Variants in APBB3 observed in about 807,000 individuals in gnomAD.
The protein encoded by APBB3 is amyloid beta precursor protein binding family B member 3.
In APBB3, 50 loss-of-function variants were observed where a neutral mutation model predicts 61.5. The ratio of observed to expected loss-of-function variants is 0.81; its 90% CI spans 0.65 to 1.03. The LOEUF (loss-of-function observed/expected upper bound fraction) is 1.03, where lower values mean the gene tolerates loss of function less well. Among genes scored for constraint, APBB3 ranks in the 50% least tolerant of loss-of-function variants. APBB3 has a pLI of 0.00. For missense variants in APBB3, 550 were observed against 637.4 expected, an observed-to-expected ratio of 0.86 and a Z score of 1.48; for synonymous variants, 235 against 233.0, an observed-to-expected ratio of 1.01 and a Z score of -0.08.
intron 7 of APBB3, 37 bp from the exon 8 acceptor site, chr5:140,561,738 G>A: frequency 6.2e-7 from 1 of 1,614,110 alleles, no homozygotes; most frequent in South Asian, 1.1e-5. Context: ...GTAGAAGCTG[G>A]TTAGAGGCAG....
In APBB3 at chr5:140,558,519, A is replaced by G. The variant is rs1754796472; in HGVS notation, c.*66T>C. 4.7e-6 allele frequency: 7 copies of G among 1,486,204 alleles called. No homozygotes were observed. In the Admixed American group the frequency reaches 1.2e-4, roughly 25 times the overall value. The allele number at this position is 1,486,204 out of a possible 1,614,324, so 92.1% of individuals were successfully genotyped here. A position where few individuals can be genotyped will look rare whatever the true frequency, so the allele number is the denominator to read the frequency against. ...AAGGAGTGACAGGCTATAGGCCTTG[A>G]GGAATAAAACGGTACAGAGTTAGGC... On this transcript the variant is annotated 3_prime_UTR_variant, in exon 13 of 13. Coordinates refer to ENST00000357560, the MANE Select transcript of APBB3 (RefSeq NM_133173.3).
In APBB3 at chr5:140,561,365, C is replaced by G; in HGVS notation, c.832G>C (p.Val278Leu). The change falls in exon 9 of 13, where the codon GTG becomes CTG. Residue 278 changes from valine to leucine, a missense_variant and splice_region_variant. By Grantham distance (32) the Val-to-Leu change is conservative. This residue lies in a region of APBB3 where 405 missense variants were observed against 483.4 expected (regional missense o/e 0.84). Transcript: ENST00000357560. ...PISPEDLPRQ[V>L]ELLDAVSQAA... ...CAATGCAGGTCTCCCCTCCCCATAC[C>G]TTGCCGTGGCAGGTCTTCAGGAGAG... 2 of 1,614,216 alleles carry G rather than the reference C, an allele frequency of 1.2e-6. No individual in the cohort carries two copies. The highest frequency in any genetic ancestry group is 1.7e-6 in the Non-Finnish European group (2 of 1,180,034).
At chr5:140,562,259 G>C (rs766301321) in intron 5 of APBB3, 32 bp from the exon 6 acceptor site, 1 of 1,613,306 alleles carries the variant, frequency 6.2e-7, no homozygotes, top group Non-Finnish European at 8.5e-7. Flanking sequence ...CCAGAGCTCA[G>C]ATAAAGGTCA....
In APBB3 at chr5:140,560,292, C is replaced by T. The variant is rs1045676586; in HGVS notation, c.1224+21G>A. 1.9e-6 allele frequency: 3 copies of T among 1,606,766 alleles called. No homozygotes were observed. The highest frequency in any genetic ancestry group is 2.2e-5 in the South Asian group (2 of 90,760). ...GCAGCTGCAGGGCAATCCCACCAAC[C>T]CATTCCCACCCATGACTCACCATAC... On this transcript the variant is annotated intron_variant, in intron 12 of 12. Transcript: ENST00000357560. The surrounding 1 kb of genome is among the most constrained non-coding windows in gnomAD (Gnocchi z 5.1).
In APBB3 at chr5:140,562,735, C is replaced by T. The variant is rs757997881; in HGVS notation, c.291-12G>A. ...AGGACAGAGAGTTACTGAAACAGAG[C>T]AGAGCTGTTAAGAGGACCACATTTC... On this transcript the variant is annotated splice_polypyrimidine_tract_variant and intron_variant, in intron 3 of 12. Transcript: ENST00000357560. 1 of 1,614,052 alleles carries T rather than the reference C, an allele frequency of 6.2e-7. No homozygotes were observed. The highest frequency in any genetic ancestry group is 1.1e-5 in the South Asian group (1 of 91,084).
At position 140,564,085 on chromosome 5, in the gene APBB3, G is replaced by C; in HGVS notation, c.49+112C>G. The C allele has an allele frequency of 6.6e-7, 1 of 1,510,594 alleles. No individual in the cohort carries two copies. Among genetic ancestry groups the C allele is most frequent in the Non-Finnish European group, 9.1e-7 (1 of 1,103,614 alleles). 93.6% of individuals were successfully genotyped at this position (1,510,594 alleles called of 1,614,324 possible). On this transcript the variant is annotated intron_variant, in intron 1 of 12. Coordinates refer to ENST00000357560, the MANE Select transcript of APBB3 (RefSeq NM_133173.3). The surrounding 1 kb of genome is among the most constrained non-coding windows in gnomAD (Gnocchi z 5.0). Reference sequence around the variant, plus strand: ...TAAAGACCGGGTTCATTCGCCCCCTGGTCCCTACACAGAGAGGTATCCCCC... The same window carrying C: ...TAAAGACCGGGTTCATTCGCCCCCTCGTCCCTACACAGAGAGGTATCCCCC...
At chr5:140,561,497 A>G (rs1240932408) in intron 8 of APBB3, 48 bp from the exon 9 acceptor site, 3 of 1,613,628 alleles carry the variant, frequency 1.9e-6, no homozygotes, top group Non-Finnish European at 2.5e-6. Context: ...GAGGGGAATT[A>G]GGGTAAAAGG....
In APBB3 at chr5:140,560,166, T is replaced by G. The variant is rs951375472; in HGVS notation, c.1224+147A>C. 13 of 858,486 alleles carry G rather than the reference T, an allele frequency of 1.5e-5. No homozygotes were observed. The highest frequency in any genetic ancestry group is 2.3e-5 in the Non-Finnish European group (13 of 567,176). 53.2% of individuals were successfully genotyped at this position (858,486 alleles called of 1,614,324 possible). On this transcript the variant is annotated intron_variant, in intron 12 of 12. Transcript: ENST00000357560. This position sits in a 1 kb window ranked among gnomAD's most constrained non-coding sequence, Gnocchi z 5.1. ...ATATTGGCAACTAATTAAAACTTACTAAAAACAACATGAGGGCCAAAACAT... is the reference window on the plus strand; with the variant it reads ...ATATTGGCAACTAATTAAAACTTACGAAAAACAACATGAGGGCCAAAACAT...
At position 140,563,663 on chromosome 5, in the gene APBB3, T is replaced by C. The variant is rs1366410542; in HGVS notation, c.221A>G (p.Glu74Gly). ...GDAEDPGTGT[E>G]GIWGLRPPKG... ...GGGGGGCCGCAGTCCCCAGATCCCC[T>C]CCGTTCCCTGTAGAGTGGGAGTTAG... Residue 74 changes from glutamate to glycine, a missense_variant, in exon 3 of 13, where the codon GAG becomes GGG. Glu to Gly is a moderately conservative substitution (Grantham distance 98). Around this residue, in one of 3 missense-constraint regions of APBB3, gnomAD observed 405 missense variants for 483.4 expected, o/e 0.84. Transcript: ENST00000357560. The C allele has an allele frequency of 1.2e-6, 2 of 1,614,134 alleles. No homozygotes were observed. Among genetic ancestry groups the C allele is most frequent in the Non-Finnish European group, 1.7e-6 (2 of 1,180,012 alleles).
chr5:140,558,696 G>A lies in APBB3; in HGVS notation c.1350C>T (p.Leu450=), dbSNP rs1754811026. The A allele has an allele frequency of 1.9e-6, 3 of 1,611,832 alleles. No individual in the cohort carries two copies. In the East Asian group the frequency reaches 6.7e-5, roughly 36 times the overall value. ...SMDSPGGPLP[L]PLLKGGVGGA... is the part of the protein sequence containing the mutation. ...CGCCAACCCCTCCTTTGAGCAGGGG[G>A]AGGGGCAGGGGACCTCCTGGGGAAT... is the stretch of plus-strand genomic sequence containing the variant. Residue 450 remains leucine, a synonymous_variant, in exon 13 of 13, where the codon CTC becomes CTT. Coordinates refer to ENST00000357560, the MANE Select transcript of APBB3 (RefSeq NM_133173.3).
chr5:140,561,365 C>T lies in APBB3; in HGVS notation c.832G>A (p.Val278Met). ...CAATGCAGGTCTCCCCTCCCCATAC[C>T]TTGCCGTGGCAGGTCTTCAGGAGAG... is the stretch of plus-strand genomic sequence containing the variant. The part of the protein sequence containing the change: ...PISPEDLPRQ[V>M]ELLDAVSQAA... Residue 278 changes from valine to methionine, a missense_variant and splice_region_variant, in exon 9 of 13, where the codon GTG becomes ATG. By Grantham distance (21) the Val-to-Met change is conservative. This residue lies in a region of APBB3 where 405 missense variants were observed against 483.4 expected (regional missense o/e 0.84). Transcript: ENST00000357560. The T allele has an allele frequency of 6.2e-7, 1 of 1,614,216 alleles. No homozygotes were observed. Among genetic ancestry groups the T allele is most frequent in the South Asian group, 1.1e-5 (1 of 91,084 alleles).
At position 140,558,782 on chromosome 5, in the gene APBB3, C is replaced by T. The variant is rs746617921; in HGVS notation, c.1264G>A (p.Gly422Ser). 1.2e-6 allele frequency: 2 copies of T among 1,610,358 alleles called. No individual in the cohort carries two copies. The highest frequency in any genetic ancestry group is 1.3e-5 in the African/African-American group (1 of 74,672). ...CGGGCCTGGGCACCCCAGGCCTTGC[C>T]TCGAGCTGCAGAGGCCACAAGACAC... is the stretch of plus-strand genomic sequence containing the variant. ...QKCLVASAAR[G>S]KAWGAQARAR... The change falls in exon 13 of 13, where the codon GGC becomes AGC. Residue 422 changes from glycine to serine, a missense_variant. Physicochemically the swap from Gly to Ser is moderately conservative, Grantham distance 56 (BLOSUM62 0). Coordinates refer to ENST00000357560, the MANE Select transcript of APBB3 (RefSeq NM_133173.3).
chr5:140,558,585 T>G lies in APBB3; in HGVS notation c.1461A>C (p.Ter487TyrextTer9). The change falls in exon 13 of 13, where the codon TAA becomes TAC. Residue 487 changes from the stop codon to tyrosine, a stop_lost. Coordinates refer to ENST00000357560, the MANE Select transcript of APBB3 (RefSeq NM_133173.3). ...RLKPSLLHMP[*>Y] Reference sequence around the variant, plus strand: ...ACTTCCCCAGCCTTCCCAGATAAGTTTAGGGCATATGGAGCAGAGAGGGTT... The same window carrying G: ...ACTTCCCCAGCCTTCCCAGATAAGTGTAGGGCATATGGAGCAGAGAGGGTT... 1 of 1,613,856 alleles carries G rather than the reference T, an allele frequency of 6.2e-7. No individual in the cohort carries two copies. Among genetic ancestry groups the G allele is most frequent in the South Asian group, 1.1e-5 (1 of 91,074 alleles).
rs1192293317 is a variant in APBB3 at position 140,563,793 on chromosome 5, G to A, written c.172C>T (p.Arg58Cys). The change falls in exon 2 of 13, where the codon CGC (arginine) becomes TGC (cysteine). Residue 58 changes from arginine (R) to cysteine (C), a missense_variant. This residue lies in a region of APBB3 where 405 missense variants were observed against 483.4 expected (regional missense o/e 0.84). Transcript: ENST00000357560. Reference protein sequence around the residue: ...HVPSGSTQWQRPTWELGDAED... With the variant: ...HVPSGSTQWQCPTWELGDAED... ...GCATCTCCTAGTTCCCAGGTTGGGC[G>A]CTGCCACTGGGTGCTACCGCTGGGT... 6 of 1,614,154 alleles carry A rather than the reference G, an allele frequency of 3.7e-6. No homozygotes were observed. The highest frequency in any genetic ancestry group is 5.1e-6 in the Non-Finnish European group (6 of 1,180,032).
In APBB3 at chr5:140,564,521, G is replaced by A; in HGVS notation, c.-276C>T. 1 of 563,582 alleles carries A rather than the reference G, an allele frequency of 1.8e-6. No individual in the cohort carries two copies. Among genetic ancestry groups the A allele is most frequent in the Admixed American group, 3.2e-5 (1 of 31,524 alleles). 34.9% of individuals were successfully genotyped at this position (563,582 alleles called of 1,614,324 possible). ...GTGTGTGGGTCCGGGGGAGGCCCAC[G>A]AACGCCAGCGAAACCGCTGACACCA... On this transcript the variant is annotated 5_prime_UTR_variant, in exon 1 of 13. Transcript: ENST00000357560. The surrounding 1 kb of genome is among the most constrained non-coding windows in gnomAD (Gnocchi z 5.0).
chr5:140,563,792 C>T lies in APBB3; in HGVS notation c.173G>A (p.Arg58His), dbSNP rs765936703. Residue 58 changes from arginine to histidine, a missense_variant, in exon 2 of 13, where the codon CGC becomes CAC. By Grantham distance (29) the Arg-to-His change is conservative (BLOSUM62 0). This residue lies in a region of APBB3 where 405 missense variants were observed against 483.4 expected (regional missense o/e 0.84). Coordinates refer to ENST00000357560, the MANE Select transcript of APBB3 (RefSeq NM_133173.3). ...HVPSGSTQWQ[R>H]PTWELGDAED... ...TGCATCTCCTAGTTCCCAGGTTGGG[C>T]GCTGCCACTGGGTGCTACCGCTGGG... The T allele has an allele frequency of 1.2e-6, 2 of 1,614,028 alleles. No homozygotes were observed. The highest frequency in any genetic ancestry group is 1.3e-5 in the African/African-American group (1 of 74,902).
intron 2 of APBB3, 25 bp from the exon 3 acceptor site, chr5:140,563,695 T>G (rs1755075550): frequency 2.5e-6 from 4 of 1,613,948 alleles, no homozygotes; most frequent in Non-Finnish European, 3.4e-6. Context: ...TTAGTCAGTT[T>G]AACAGCAGAC....
chr5:140,559,725 T>C (rs532610846), intron 12 of APBB3, among the ~76,000 whole-genome samples: 3 of 152,354 alleles, frequency 2.0e-5, no homozygotes, highest in African/African-American at 4.8e-5. Context: ...CTCTTACAGG[T>C]AGCCTTCCTG....
At chr5:140,562,291 T>C (rs900743433) in intron 5 of APBB3, 62 bp downstream of exon 5, 1 of 1,611,204 alleles carries the variant, frequency 6.2e-7, no homozygotes, top group African/African-American at 1.3e-5. Context: ...AATAGGAAAT[T>C]CAGGGACAGC....
Sources: gnomAD v4.1 joint callset for allele counts (sites outside exome capture counted in the v4.1 genomes callset) on GRCh38, gnomAD v4.1.1 for gene constraint, gnomAD v4.1.1 regional missense constraint, Gnocchi (gnomAD v3.1) non-coding constraint, MANE v1.5 for transcripts, NCBI Gene and HGNC (gene_info 2026-07-23, HGNC 2026-07-21) for gene names.